Variants in ITGAV observed in about 807,000 individuals in gnomAD.
ITGAV encodes the protein integrin alpha-V.
In ITGAV, 76 loss-of-function variants were observed where a neutral mutation model predicts 143.8. The ratio of observed to expected loss-of-function variants is 0.53; its 90% CI spans 0.44 to 0.64. The LOEUF is 0.64. ITGAV is among the 30% of genes least tolerant of loss of function. The pLI is 0.00. For synonymous variants in ITGAV, 453 were observed against 446.7 expected (o/e 1.01, Z -0.18); for missense variants, 1,193 against 1,274.7 (o/e 0.94, Z 0.98).
chr2:186,625,519 G>C lies in ITGAV; in HGVS notation c.455G>C (p.Arg152Pro). The C allele has an allele frequency of 1.2e-6, 2 of 1,613,968 alleles. No individual in the cohort carries two copies. The highest frequency in any genetic ancestry group is 1.7e-6 in the Non-Finnish European group (2 of 1,179,948). Residue 152 changes from arginine (R) to proline (P), a missense_variant, in exon 4 of 30, where the codon CGA becomes CCA. Arg to Pro is a moderately radical substitution (Grantham distance 103). Coordinates refer to ENST00000261023, the MANE Select transcript of ITGAV (RefSeq NM_002210.5). ...TGGAGAACTGAGATGAAACAGGAGC[G>C]AGAGCCTGTTGGAACATGCTTTCTT... The part of the protein sequence containing the change: ...YHWRTEMKQE[R>P]EPVGTCFLQD...
chr2:186,628,527 A>T (rs1436162457), intron 4 of ITGAV, among the ~76,000 whole-genome samples: 1 of 152,040 alleles, frequency 6.6e-6, no homozygotes, highest in Admixed American at 6.6e-5. Flanking sequence ...AAAAAAGCAA[A>T]ATTACTTGGG....
At chr2:186,600,018 T>C (rs922069857) in intron 1 of ITGAV, among the ~76,000 whole-genome samples, 2 of 152,200 alleles carry the variant, frequency 1.3e-5, no homozygotes, top group Non-Finnish European at 2.9e-5. Context: ...CCATAGGGCA[T>C]AACATTTAGT....
rs1411535897 is a variant in ITGAV, at chr2:186,638,417, T to A, written c.855T>A (p.Ile285=). 3 of 1,611,968 alleles carry A rather than the reference T, an allele frequency of 1.9e-6. No homozygotes were observed. The African/African-American group carries it at 4.0e-5, about 22-fold the overall frequency. ...RAARTLGMVY[I]YDGKNMSSLY... ...CTATTTTTCCTTCACAGGTTTATAT[T>A]TATGATGGGAAGAACATGTCCTCCT... The change falls in exon 10 of 30, where the codon ATT becomes ATA. Residue 285 remains isoleucine, a synonymous_variant. Transcript: ENST00000261023.
At chr2:186,647,167 C>T (rs1688286795) in intron 13 of ITGAV, among the ~76,000 whole-genome samples, 1 of 151,382 alleles carries the variant, frequency 6.6e-6, no homozygotes, top group Admixed American at 6.6e-5. Flanking sequence ...TCATTCTAAG[C>T]TGTTTTAATG....
At chr2:186,617,458 A>G (rs2105678747) in intron 2 of ITGAV, among the ~76,000 whole-genome samples, 1 of 152,352 alleles carries the variant, frequency 6.6e-6, no homozygotes. Flanking sequence ...GTCCTCAAGC[A>G]TGCAGTCATG....
intron 5 of ITGAV, 151 bp downstream of exon 5, chr2:186,631,009 C>T (rs1687802158): frequency 1.9e-6 from 1 of 519,278 alleles, no homozygotes; most frequent in Admixed American, 3.1e-5. Context: ...TTTTGACATT[C>T]TTTGTCTTAT....
intron 2 of ITGAV, among the ~76,000 whole-genome samples, chr2:186,611,508 T>C (rs918808029): frequency 4.6e-5 from 7 of 152,154 alleles, no homozygotes; most frequent in African/African-American, 1.4e-4. Flanking sequence ...AGTACAGGTG[T>C]AAGCCACAAT....
chr2:186,622,461 A>C, intron 3 of ITGAV, 31 bp downstream of exon 3: 1 of 1,410,886 alleles, frequency 7.1e-7, no homozygotes, highest in Non-Finnish European at 1.0e-6. Context: ...CTTACAGGTG[A>C]TTTTAGTCAG....
intron 8 of ITGAV, among the ~76,000 whole-genome samples, chr2:186,637,439 C>G (rs1402517167): frequency 6.7e-6 from 1 of 149,736 alleles, no homozygotes; most frequent in Non-Finnish European, 1.5e-5. Context: ...TGTGATTGCG[C>G]CACTGCACTC....
chr2:186,675,162 C>G (rs1386089323), intron 26 of ITGAV, among the ~76,000 whole-genome samples: 1 of 152,148 alleles, frequency 6.6e-6, no homozygotes, highest in African/African-American at 2.4e-5. Context: ...CATCAGCATG[C>G]GATTTGATTT....
At chr2:186,625,661 G>GT (rs5836986) in intron 4 of ITGAV, 74 bp downstream of exon 4, 22,204 of 498,730 alleles carry the variant, frequency 0.045, 2,544 homozygotes, top group South Asian at 0.064. Flanking sequence ...ATGTGTGTGT[G>GT]GGTGTGTGTG....
At chr2:186,662,880 C>T (rs1354317323) in intron 18 of ITGAV, among the ~76,000 whole-genome samples, 1 of 152,114 alleles carries the variant, frequency 6.6e-6, no homozygotes, top group Non-Finnish European at 1.5e-5. Flanking sequence ...TTAAAGGACT[C>T]TATCTTTCTT....
At chr2:186,599,237 T>G (rs61763620) in intron 1 of ITGAV, among the ~76,000 whole-genome samples, 61 of 152,294 alleles carry the variant, frequency 4.0e-4, no homozygotes, top group African/African-American at 1.4e-3. Context: ...TTTCAATCAG[T>G]TTCTTGAGAT....
At position 186,590,388 on chromosome 2, in the gene ITGAV, C is replaced by T. The variant is rs1213204410; in HGVS notation, c.50C>T (p.Pro17Leu). 6 of 1,601,664 alleles carry T rather than the reference C, an allele frequency of 3.7e-6. No individual in the cohort carries two copies. The highest frequency in any genetic ancestry group is 5.1e-6 in the Non-Finnish European group (6 of 1,175,098). The change falls in exon 1 of 30, where the codon CCG (proline) becomes CTG (leucine). Residue 17 changes from proline to leucine, a missense_variant. Coordinates refer to ENST00000261023, the MANE Select transcript of ITGAV (RefSeq NM_002210.5). ...CTGCGCCTCGGTCCCCGCGGCCTCC[C>T]GCTTCTTCTCTCGGGACTCCTGCTA... is the stretch of plus-strand genomic sequence containing the variant. ...RRLRLGPRGL[P>L]LLLSGLLLPL...
intron 1 of ITGAV, among the ~76,000 whole-genome samples, chr2:186,598,684 C>T (rs1348755981): frequency 3.3e-5 from 5 of 152,246 alleles, no homozygotes; most frequent in East Asian, 3.9e-4. Flanking sequence ...CTGCCTCAGC[C>T]GCCCAAAGTG....
intron 26 of ITGAV, among the ~76,000 whole-genome samples, chr2:186,671,302 T>C (rs1457559033): frequency 6.6e-6 from 1 of 152,098 alleles, no homozygotes; most frequent in African/African-American, 2.4e-5. Context: ...CAACAGGCCC[T>C]TCCTGCCTCT....
Position 186,656,203 on chromosome 2 carries a change from G to T in ITGAV, c.1565-44G>T. ...AAACTCTAGAGTAGGATAGATAGAT[G>T]TCCATAAAGAATATGTTGGTTATAA... On this transcript the variant is annotated intron_variant, in intron 16 of 29. Transcript: ENST00000261023. 4.2e-6 allele frequency: 6 copies of T among 1,435,292 alleles called. No homozygotes were observed. The South Asian group carries it at 6.6e-5, about 16-fold the overall frequency. 88.9% of individuals were successfully genotyped at this position (1,435,292 alleles called of 1,614,324 possible).
In ITGAV at chr2:186,677,347, A is replaced by G. The variant is rs900371620; in HGVS notation, c.*55A>G. 5.0e-5 allele frequency: 67 copies of G among 1,335,304 alleles called. No individual in the cohort carries two copies. In the Middle Eastern group the frequency reaches 5.4e-4, roughly 11 times the overall value. The allele number at this position is 1,335,304 out of a possible 1,614,324, so 82.7% of individuals were successfully genotyped here. On this transcript the variant is annotated 3_prime_UTR_variant, in exon 30 of 30. Coordinates refer to ENST00000261023, the MANE Select transcript of ITGAV (RefSeq NM_002210.5). ...ACCCACTAGAATTAGCAACTTTATTATAGATTTAAACTTTCTTCATGAGGA... is the reference window on the plus strand; with the variant it reads ...ACCCACTAGAATTAGCAACTTTATTGTAGATTTAAACTTTCTTCATGAGGA...
intron 4 of ITGAV, among the ~76,000 whole-genome samples, chr2:186,628,267 GCTTGT>G (rs756995918): frequency 4.6e-5 from 7 of 152,018 alleles, no homozygotes; most frequent in African/African-American, 1.2e-4. Flanking sequence ...TAATAACTTT[GCTTGT>G]CTTGTGGGTT....
Sources: allele counts gnomAD v4.1 joint callset (sites outside exome capture counted in the v4.1 genomes callset), GRCh38; gene constraint gnomAD v4.1.1; transcripts MANE v1.5; gene names NCBI Gene and HGNC (gene_info 2026-07-23, HGNC 2026-07-21).